GALNT2: variants seen among roughly 807,000 people sequenced by gnomAD.
GALNT2 encodes polypeptide N-acetylgalactosaminyltransferase 2.
Under a neutral mutation model 81.4 loss-of-function variants are expected in GALNT2, and 31 were observed. The ratio of observed to expected loss-of-function variants is 0.38; its 90% confidence interval spans 0.29 to 0.51. The LOEUF is 0.51. Ranked by LOEUF, GALNT2 falls within the 20% of genes least tolerant of loss-of-function variation. GALNT2 has a pLI of 0.87. For synonymous variants in GALNT2, 303 were observed against 287.4 expected, an observed-to-expected ratio of 1.05 and a Z score of -0.55; for missense variants, 629 against 765.7, an observed-to-expected ratio of 0.82 and a Z score of 2.11.
intron 1 of GALNT2, among the ~76,000 whole-genome samples, chr1:230,160,826 T>C (rs548019603): frequency 4.7e-4 from 72 of 152,296 alleles, no homozygotes; most frequent in African/African-American, 1.6e-3. Flanking sequence ...TCTTAGACCC[T>C]TTTTCTGTGT....
At chr1:230,202,910 G>T (rs1663946037) in intron 2 of GALNT2, among the ~76,000 whole-genome samples, 1 of 152,204 alleles carries the variant, frequency 6.6e-6, no homozygotes, top group Non-Finnish European at 1.5e-5. Flanking sequence ...TGTACACCAG[G>T]CCTTTAACTT....
chr1:230,250,471 C>T lies in GALNT2; in HGVS notation c.920C>T (p.Ala307Val). 1 of 1,613,740 alleles carries T rather than the reference C, an allele frequency of 6.2e-7. No individual in the cohort carries two copies. Among genetic ancestry groups the T allele is most frequent in the East Asian group, 2.2e-5 (1 of 44,872 alleles). The change falls in exon 10 of 16, where the codon GCT becomes GTT. Residue 307 changes from alanine (A) to valine (V), a missense_variant. Transcript: ENST00000366672. ...TGCCTCTTTAGAACCCCCATGATTG[C>T]TGGTGGGCTGTTTGTGATGGATAAG... ...PVAPIKTPMI[A>V]GGLFVMDKFY...
At chr1:230,099,755 G>T (rs1042663528) in intron 1 of GALNT2, among the ~76,000 whole-genome samples, 1 of 152,220 alleles carries the variant, frequency 6.6e-6, no homozygotes. Flanking sequence ...TGGCTCATCT[G>T]TCTCTGCAGA....
At chr1:230,262,328 A>G (rs1572151710) in intron 11 of GALNT2, 2 of 472,290 alleles carry the variant, frequency 4.2e-6, no homozygotes, top group East Asian at 3.3e-5. Context: ...TTGCCCTTTG[A>G]CCATCTGTGT....
At chr1:230,128,118 G>A (rs2102809438) in intron 1 of GALNT2, among the ~76,000 whole-genome samples, 1 of 152,312 alleles carries the variant, frequency 6.6e-6, no homozygotes, top group East Asian at 1.9e-4. Context: ...CAATACCCAT[G>A]AGGCCAGGGA....
At position 230,197,796 on chromosome 1, in the gene GALNT2, TCTG is replaced by T. The variant is rs532268483; in HGVS notation, c.221-5335_221-5333del. 2.3e-3 allele frequency among the ~76,000 whole-genome samples: 347 copies of T among 152,214 alleles called. 2 individuals carry two copies. Among genetic ancestry groups the T allele is most frequent in the African/African-American group, 8.0e-3 (334 of 41,520 alleles). ...TGCGTACATGCGTGCGTGTGTGTGTTCTGCTGCTCCTCTGCTCAAGTCCTTGAA... is the reference window on the plus strand; with the variant it reads ...TGCGTACATGCGTGCGTGTGTGTGTTCTGCTCCTCTGCTCAAGTCCTTGAA... On this transcript the variant is annotated intron_variant, in intron 2 of 15. Transcript: ENST00000366672.
rs1659227007 is a variant in GALNT2 at position 230,067,385 on chromosome 1, G to GGGC, written c.113_115dup (p.Gly38dup). ...GCGGCTCTGCGCTGGCCGGGGGCGC[G>GGGC]GGCGGCGGCGCCGGCAGGAAGGTGA... On this transcript the variant is annotated inframe_insertion, in exon 1 of 16. Coordinates refer to ENST00000366672, the MANE Select transcript of GALNT2 (RefSeq NM_004481.5). The GGGC allele has an allele frequency of 7.8e-7, 1 of 1,274,080 alleles. No individual in the cohort carries two copies. Among genetic ancestry groups the GGGC allele is most frequent in the Non-Finnish European group, 1.0e-6 (1 of 1,003,910 alleles). 78.9% of individuals were successfully genotyped at this position (1,274,080 alleles called of 1,614,324 possible). A position where few individuals can be genotyped will look rare whatever the true frequency, so the allele number is the denominator to read the frequency against.
chr1:230,146,206 A>G (rs6541296), intron 1 of GALNT2, among the ~76,000 whole-genome samples: 119,209 of 152,092 alleles, frequency 0.78, 47,267 homozygotes, highest in African/African-American at 0.81. Context: ...AAAAGACTGT[A>G]GTTATTTTTC....
chr1:230,139,439 C>G (rs1202075050), intron 1 of GALNT2, among the ~76,000 whole-genome samples: 6 of 152,168 alleles, frequency 3.9e-5, no homozygotes, highest in Admixed American at 3.3e-4. Context: ...CAGCACAGTG[C>G]AGCCTGGAGT....
intron 1 of GALNT2, 47 bp downstream of exon 1, chr1:230,067,453 A>G: frequency 1.7e-6 from 1 of 605,724 alleles, no homozygotes; most frequent in Non-Finnish European, 2.1e-6. Context: ...CCCACCCCCC[A>G]CCCTGCGCCC....
chr1:230,074,213 C>G (rs895749712), intron 1 of GALNT2, among the ~76,000 whole-genome samples: 19 of 152,194 alleles, frequency 1.2e-4, no homozygotes, highest in South Asian at 1.0e-3. Context: ...TCACCTCACC[C>G]TACCGAGTAG....
chr1:230,145,321 G>T (rs11122401), intron 1 of GALNT2, among the ~76,000 whole-genome samples: 2 of 151,966 alleles, frequency 1.3e-5, no homozygotes, highest in South Asian at 2.1e-4. Context: ...CCCTAAGTTT[G>T]TGGGGTTTCC....
intron 3 of GALNT2, among the ~76,000 whole-genome samples, chr1:230,204,377 C>A (rs1663998912): frequency 6.6e-6 from 1 of 152,072 alleles, no homozygotes; most frequent in South Asian, 2.1e-4. Context: ...CCATGTTGGC[C>A]AGGCTGGTCT....
intron 2 of GALNT2, among the ~76,000 whole-genome samples, chr1:230,191,751 G>A (rs572179588): frequency 2.8e-4 from 43 of 152,360 alleles, no homozygotes; most frequent in Non-Finnish European, 5.6e-4. Flanking sequence ...GAGCCCAAGT[G>A]ATCCCTATTC....
chr1:230,210,849 A>G (rs1166009217), intron 3 of GALNT2, among the ~76,000 whole-genome samples: 1 of 152,220 alleles, frequency 6.6e-6, no homozygotes, highest in Non-Finnish European at 1.5e-5. Context: ...AGTTGTTTTA[A>G]GAGTGGCTAA....
intron 1 of GALNT2, among the ~76,000 whole-genome samples, chr1:230,177,867 A>C (rs1663034169): frequency 6.6e-6 from 1 of 152,194 alleles, no homozygotes; most frequent in Admixed American, 6.5e-5. Flanking sequence ...ACCACTCTAG[A>C]ATTATTTCAT....
chr1:230,078,712 C>T (rs142884053), intron 1 of GALNT2, among the ~76,000 whole-genome samples: 75 of 152,366 alleles, frequency 4.9e-4, no homozygotes, highest in South Asian at 1.2e-3. Context: ...TGAGCTCAGG[C>T]GGTCTGTGAG....
At chr1:230,261,223 T>C (rs1370173952) in intron 11 of GALNT2, among the ~76,000 whole-genome samples, 6 of 152,156 alleles carry the variant, frequency 3.9e-5, no homozygotes. Flanking sequence ...TGCATTCATA[T>C]GTTCTTATCT....
chr1:230,085,852 G>C (rs564107751), intron 1 of GALNT2, among the ~76,000 whole-genome samples: 1 of 152,310 alleles, frequency 6.6e-6, no homozygotes, highest in South Asian at 2.1e-4. Flanking sequence ...CTGACTTCTG[G>C]TGTAGACGTT....
Sources: gnomAD v4.1 joint callset for allele counts (sites outside exome capture counted in the v4.1 genomes callset) on GRCh38, gnomAD v4.1.1 for gene constraint, MANE v1.5 for transcripts, NCBI Gene and HGNC (gene_info 2026-07-23, HGNC 2026-07-21) for gene names.